Variants in HCN1 observed in about 807,000 individuals in gnomAD.
HCN1 encodes the protein potassium/sodium hyperpolarization-activated cyclic nucleotide-gated channel 1.
Under a neutral mutation model 78.9 loss-of-function variants are expected in HCN1, and 13 were observed. The ratio of observed to expected loss-of-function variants is 0.16; its 90% CI spans 0.11 to 0.26. The LOEUF (loss-of-function observed/expected upper bound fraction) is 0.26. HCN1 is among the 10% of genes least tolerant of loss of function. The pLI is 1.00. For synonymous variants in HCN1, 552 were observed against 455.5 expected, an observed-to-expected ratio of 1.21 and a Z score of -2.70; for missense variants, 810 against 1,154.3, an observed-to-expected ratio of 0.70 and a Z score of 4.32.
intron 4 of HCN1, among the ~76,000 whole-genome samples, chr5:45,377,625 A>C (rs1212648779): frequency 1.3e-5 from 2 of 151,988 alleles, no homozygotes; most frequent in African/African-American, 4.8e-5. Context: ...CAAGAAATGC[A>C]AACACTCCTT....
rs576247954 is a variant in HCN1 at position 45,555,016 on chromosome 5, C to G, written c.849+90169G>C. Among the ~76,000 whole-genome samples, 8 of 151,826 alleles carry G rather than the reference C, an allele frequency of 5.3e-5. No individual in the cohort carries two copies. The South Asian group carries it at 1.7e-3, about 32-fold the overall frequency. ...CAAAATCCCCCTAGGGCAACACACCCAAAGCAAAATATTCTAGGAAATTAT... is the reference window on the plus strand; with the variant it reads ...CAAAATCCCCCTAGGGCAACACACCGAAAGCAAAATATTCTAGGAAATTAT... On this transcript the variant is annotated intron_variant, in intron 2 of 7. Transcript: ENST00000303230.
At chr5:45,422,393 C>A (rs181568687) in intron 3 of HCN1, among the ~76,000 whole-genome samples, 1 of 152,080 alleles carries the variant, frequency 6.6e-6, no homozygotes, top group Non-Finnish European at 1.5e-5. Flanking sequence ...GTGTCAGCTA[C>A]GAATCTTGCC....
At chr5:45,597,315 A>G (rs1561214731) in intron 2 of HCN1, among the ~76,000 whole-genome samples, 1 of 152,196 alleles carries the variant, frequency 6.6e-6, no homozygotes, top group Non-Finnish European at 1.5e-5. Flanking sequence ...CAAAGACAAA[A>G]AACACATGAT....
At chr5:45,634,074 G>A (rs747430977) in intron 2 of HCN1, among the ~76,000 whole-genome samples, 4 of 151,980 alleles carry the variant, frequency 2.6e-5, no homozygotes, top group Non-Finnish European at 5.9e-5. Flanking sequence ...GCGGCAGGAA[G>A]ACTTCAGCAA....
At chr5:45,549,086 G>C (rs1288519875) in intron 2 of HCN1, among the ~76,000 whole-genome samples, 2 of 151,794 alleles carry the variant, frequency 1.3e-5, no homozygotes, top group African/African-American at 4.8e-5. Context: ...GTAATTTATA[G>C]ATTCAATGCC....
intron 6 of HCN1, among the ~76,000 whole-genome samples, chr5:45,290,737 C>T (rs1285285073): frequency 6.6e-6 from 1 of 151,880 alleles, no homozygotes; most frequent in Non-Finnish European, 1.5e-5. Context: ...CAAACAGAAA[C>T]ATAACATGAT....
intron 2 of HCN1, among the ~76,000 whole-genome samples, chr5:45,604,598 T>C (rs1744690356): frequency 6.6e-6 from 1 of 151,938 alleles, no homozygotes; most frequent in Admixed American, 6.6e-5. Context: ...TTACATGTCA[T>C]AGGCTCACAG....
chr5:45,691,038 T>C (rs1739902698), intron 1 of HCN1, among the ~76,000 whole-genome samples: 2 of 152,086 alleles, frequency 1.3e-5, no homozygotes, highest in African/African-American at 2.4e-5. Context: ...GTGCATTGAG[T>C]ATAATAATGC....
intron 1 of HCN1, among the ~76,000 whole-genome samples, chr5:45,647,907 A>G (rs1745582396): frequency 6.6e-6 from 1 of 152,178 alleles, no homozygotes; most frequent in South Asian, 2.1e-4. Flanking sequence ...GTATTCATCC[A>G]TTTGCACTTT....
intron 5 of HCN1, among the ~76,000 whole-genome samples, chr5:45,323,692 T>A (rs1158595492): frequency 6.6e-6 from 1 of 151,962 alleles, no homozygotes; most frequent in Non-Finnish European, 1.5e-5. Flanking sequence ...ATTAGGTATA[T>A]CTCCTAATGC....
chr5:45,538,390 T>C lies in HCN1; in HGVS notation c.850-76383A>G, dbSNP rs547247826. Among the ~76,000 whole-genome samples the C allele has an allele frequency of 3.9e-5, 6 of 152,286 alleles. No individual in the cohort carries two copies. The South Asian group carries it at 1.2e-3, about 32-fold the overall frequency. Reference sequence around the variant, plus strand: ...AAGCATGTATTGTATAACAGCTAAATAGAAAGTAATATCTAAGATGGTCTC... The same window carrying C: ...AAGCATGTATTGTATAACAGCTAAACAGAAAGTAATATCTAAGATGGTCTC... On this transcript the variant is annotated intron_variant, in intron 2 of 7. Coordinates refer to ENST00000303230, the MANE Select transcript of HCN1 (RefSeq NM_021072.4).
At position 45,261,082 on chromosome 5, in the gene HCN1, A is replaced by C. The variant is rs1237905102; in HGVS notation, c.*839T>G. ...TGCATTACAATTGAATAATTCTCAC[A>C]ATCAGGTTTTGTAAAATTTAAAACT... On this transcript the variant is annotated 3_prime_UTR_variant, in exon 8 of 8. Transcript: ENST00000303230. 2.0e-5 allele frequency: 3 copies of C among 152,642 alleles called. No homozygotes were observed. Among genetic ancestry groups the C allele is most frequent in the African/African-American group, 7.2e-5 (3 of 41,458 alleles). 9.5% of individuals were successfully genotyped at this position (152,642 alleles called of 1,614,324 possible). A position where few individuals can be genotyped will look rare whatever the true frequency, so the allele number is the denominator to read the frequency against.
intron 2 of HCN1, among the ~76,000 whole-genome samples, chr5:45,509,934 G>A (rs1742377938): frequency 6.6e-6 from 1 of 151,988 alleles, no homozygotes; most frequent in Non-Finnish European, 1.5e-5. Flanking sequence ...TAGATCCCCT[G>A]CTACCTGAAT....
At chr5:45,319,340 T>A (rs1746073351) in intron 5 of HCN1, among the ~76,000 whole-genome samples, 1 of 151,966 alleles carries the variant, frequency 6.6e-6, no homozygotes. Context: ...TTGTCCCACA[T>A]CTTTGGCAAA....
chr5:45,345,884 T>C, intron 5 of HCN1, among the ~76,000 whole-genome samples: 1 of 152,194 alleles, frequency 6.6e-6, no homozygotes, highest in South Asian at 2.1e-4. Flanking sequence ...TCTGTACCAG[T>C]TTACTGAAAT....
At chr5:45,572,403 A>G (rs1272776918) in intron 2 of HCN1, among the ~76,000 whole-genome samples, 1 of 152,158 alleles carries the variant, frequency 6.6e-6, no homozygotes, top group East Asian at 1.9e-4. Flanking sequence ...GAATGCTCAA[A>G]GTACTTTAAA....
intron 6 of HCN1, among the ~76,000 whole-genome samples, chr5:45,302,116 T>C (rs1464538168): frequency 6.6e-6 from 1 of 152,122 alleles, no homozygotes; most frequent in Admixed American, 6.6e-5. Flanking sequence ...TCCTTTTGTT[T>C]ATTAACAAGA....
At chr5:45,415,484 T>A (rs1424521714) in intron 3 of HCN1, among the ~76,000 whole-genome samples, 1 of 152,030 alleles carries the variant, frequency 6.6e-6, no homozygotes, top group East Asian at 1.9e-4. Flanking sequence ...AAGATTGTAC[T>A]CCTGCCACCC....
In HCN1 at chr5:45,262,467, C is replaced by CGAG; in HGVS notation, c.2126_2127insCTC (p.Gln709delinsHisSer). ...GGAAAGTTCGAGCGGCCAGAGGGCT[C>CGAG]TGTACAGGAGGGCTGCAGACCGCGG... is the stretch of plus-strand genomic sequence containing the variant. On this transcript the variant is annotated protein_altering_variant, in exon 8 of 8. Transcript: ENST00000303230. 7 of 1,612,790 alleles carry CGAG rather than the reference C, an allele frequency of 4.3e-6. No homozygotes were observed. The highest frequency in any genetic ancestry group is 5.9e-6 in the Non-Finnish European group (7 of 1,179,854).
Sources: allele counts gnomAD v4.1 joint callset (sites outside exome capture counted in the v4.1 genomes callset), GRCh38; gene constraint gnomAD v4.1.1; transcripts MANE v1.5; gene names NCBI Gene and HGNC (gene_info 2026-07-23, HGNC 2026-07-21).